Variants in EPHA4 observed in about 807,000 individuals in gnomAD.
EPHA4 encodes ephrin type-A receptor 4.
A neutral mutation model predicts 108.3 loss-of-function variants in EPHA4; 19 were observed. That is an observed-to-expected ratio of 0.18 (90% CI 0.12 to 0.26). The LOEUF (loss-of-function observed/expected upper bound fraction) is 0.26, where lower values mean the gene tolerates loss of function less well. Among genes scored for constraint, EPHA4 ranks in the 10% least tolerant of loss-of-function variants. The pLI is 1.00. For missense variants in EPHA4, 917 were observed against 1,254.0 expected, an observed-to-expected ratio of 0.73 and a Z score of 4.06; for synonymous variants, 449 against 455.5, an observed-to-expected ratio of 0.99 and a Z score of 0.18.
intron 3 of EPHA4, among the ~76,000 whole-genome samples, chr2:221,522,751 TATTATTA>T (rs1559278040): frequency 2.1e-3 from 76 of 37,060 alleles, no homozygotes; most frequent in African/African-American, 4.9e-3. Flanking sequence ...TTATTATTAT[TATTATTA>T]TTATTATTAT....
At chr2:221,446,994 A>C (rs1393298120) in intron 8 of EPHA4, among the ~76,000 whole-genome samples, 8 of 152,238 alleles carry the variant, frequency 5.3e-5, no homozygotes, top group Non-Finnish European at 1.0e-4. Flanking sequence ...TTCAGTACAC[A>C]TAAATATTCA....
chr2:221,511,701 A>C (rs1427462163), intron 3 of EPHA4, among the ~76,000 whole-genome samples: 2 of 152,258 alleles, frequency 1.3e-5, no homozygotes, highest in Admixed American at 1.3e-4. Context: ...ATCACAATAG[A>C]GCATTGTTAG....
intron 5 of EPHA4, among the ~76,000 whole-genome samples, chr2:221,468,776 C>T (rs17379786): frequency 0.045 from 6,847 of 152,282 alleles, 222 homozygotes; most frequent in South Asian, 0.078. Context: ...ATATCAGATG[C>T]TTGATGATTT....
intron 11 of EPHA4, among the ~76,000 whole-genome samples, chr2:221,439,815 G>A (rs186036222): frequency 7.2e-5 from 11 of 152,276 alleles, no homozygotes; most frequent in Non-Finnish European, 1.0e-4. Context: ...CTGTGGAGAC[G>A]ACAGGAGAGG....
rs534532446 is a variant in EPHA4 at position 221,545,817 on chromosome 2, GACCTGGAATGC to G, written c.823+17903_823+17913del. Among the ~76,000 whole-genome samples the G allele has an allele frequency of 2.4e-3, 362 of 152,182 alleles. 3 individuals carry two copies. Among genetic ancestry groups the G allele is most frequent in the East Asian group, 0.012 (63 of 5,154 alleles). On this transcript the variant is annotated intron_variant, in intron 3 of 17. Transcript: ENST00000281821. Reference sequence around the variant, plus strand: ...GCACACAATGTGTCCCTCTTCTGTTGACCTGGAATGCACTTGCTTAATCCACAAGATTCTAC... The same window carrying G: ...GCACACAATGTGTCCCTCTTCTGTTGACTTGCTTAATCCACAAGATTCTAC...
rs1170552172 is a variant in EPHA4, at chr2:221,571,210, T to TGCAGACATGCACACACAC, written c.91+930_91+947dup. ...CGCAGACATGCACACACACCACACA[T>TGCAGACATGCACACACAC]GCAGACATGCACACACACGCAGACA... On this transcript the variant is annotated intron_variant, in intron 1 of 17. Transcript: ENST00000281821. The surrounding 1 kb of genome is among the most constrained non-coding windows in gnomAD (Gnocchi z 6.3). Among the ~76,000 whole-genome samples the TGCAGACATGCACACACAC allele has an allele frequency of 0.012, 1,785 of 147,532 alleles. 19 individuals carry two copies. The highest frequency in any genetic ancestry group is 0.019 in the Non-Finnish European group (1,259 of 66,492).
At chr2:221,549,492 A>G (rs1055388339) in intron 3 of EPHA4, among the ~76,000 whole-genome samples, 1 of 152,140 alleles carries the variant, frequency 6.6e-6, no homozygotes. Context: ...GTAAAGCACC[A>G]CAGCTCAGAG....
intron 5 of EPHA4, among the ~76,000 whole-genome samples, chr2:221,475,995 G>A (rs566398910): frequency 6.6e-6 from 1 of 152,262 alleles, no homozygotes; most frequent in East Asian, 1.9e-4. Flanking sequence ...GAAGCAGATG[G>A]ATGCACTTGA....
intron 3 of EPHA4, among the ~76,000 whole-genome samples, chr2:221,555,343 C>T (rs1197119798): frequency 6.6e-6 from 1 of 152,070 alleles, no homozygotes; most frequent in Non-Finnish European, 1.5e-5. Flanking sequence ...GCCCTCATTG[C>T]CTTTGTGAAA....
At chr2:221,559,574 T>TA (rs530772413) in intron 3 of EPHA4, among the ~76,000 whole-genome samples, 2 of 151,810 alleles carry the variant, frequency 1.3e-5, no homozygotes, top group South Asian at 4.2e-4. Context: ...AAAAATAAAT[T>TA]AAAAAAAAAT....
chr2:221,473,116 C>T (rs1334597344), intron 5 of EPHA4, among the ~76,000 whole-genome samples: 4 of 152,134 alleles, frequency 2.6e-5, no homozygotes, highest in African/African-American at 9.7e-5. Context: ...CACCATCTCT[C>T]GTTTTTATCA....
chr2:221,553,360 G>A (rs1200846688), intron 3 of EPHA4, among the ~76,000 whole-genome samples: 1 of 152,238 alleles, frequency 6.6e-6, no homozygotes, highest in Non-Finnish European at 1.5e-5. Context: ...CAATAGCTGG[G>A]AAACGTGAAG....
At chr2:221,536,456 G>A (rs559926126) in intron 3 of EPHA4, among the ~76,000 whole-genome samples, 2 of 152,216 alleles carry the variant, frequency 1.3e-5, no homozygotes, top group African/African-American at 2.4e-5. Flanking sequence ...CTAGACCCTG[G>A]CATTCTTGAA....
At chr2:221,548,971 T>C (rs545306280) in intron 3 of EPHA4, among the ~76,000 whole-genome samples, 1 of 152,240 alleles carries the variant, frequency 6.6e-6, no homozygotes, top group East Asian at 1.9e-4. Context: ...CTAAATTCTC[T>C]ATAACTCCGG....
Position 221,571,263 on chromosome 2 carries a change from C to T in EPHA4, c.91+895G>A, listed in dbSNP as rs1694828726. 6.6e-6 allele frequency among the ~76,000 whole-genome samples: 1 copy of T among 150,438 alleles called. No individual in the cohort carries two copies. Among genetic ancestry groups the T allele is most frequent in the Admixed American group, 6.6e-5 (1 of 15,104 alleles). On this transcript the variant is annotated intron_variant, in intron 1 of 17. Transcript: ENST00000281821. This position sits in a 1 kb window ranked among gnomAD's most constrained non-coding sequence, Gnocchi z 6.3. ...CACACACACACCACACATACACACA[C>T]ACACACACACAGTTCGCCTCTCCCT... is the stretch of plus-strand genomic sequence containing the variant.
At chr2:221,560,968 C>T (rs1047343637) in intron 3 of EPHA4, among the ~76,000 whole-genome samples, 37 of 152,288 alleles carry the variant, frequency 2.4e-4, no homozygotes, top group Middle Eastern at 3.4e-3. Context: ...TCTGGCTGGG[C>T]GCGGTGGCTC....
intron 1 of EPHA4, among the ~76,000 whole-genome samples, chr2:221,570,324 C>CT (rs1332271702): frequency 1.3e-5 from 2 of 150,394 alleles, no homozygotes; most frequent in African/African-American, 4.9e-5. Context: ...CTCCCCCCCC[C>CT]CCAAAAAAAG....
chr2:221,522,787 G>A (rs1165248267), intron 3 of EPHA4, among the ~76,000 whole-genome samples: 7 of 150,314 alleles, frequency 4.7e-5, no homozygotes, highest in Non-Finnish European at 8.8e-5. Flanking sequence ...TTTTGAGACG[G>A]AGTCTCCCTC....
rs1275196453 is a variant in EPHA4, at chr2:221,566,836, A to AAGAAGGAGAAGG, written c.159+1870_159+1881dup. ...GAAGAAGGAGAAGAAGGAGAAGGAG[A>AAGAAGGAGAAGG]AGAAGGAGAAGGAGAAGGAGAAGAA... On this transcript the variant is annotated intron_variant, in intron 2 of 17. Coordinates refer to ENST00000281821, the MANE Select transcript of EPHA4 (RefSeq NM_004438.5). Among the ~76,000 whole-genome samples, 3 of 96,914 alleles carry AAGAAGGAGAAGG rather than the reference A, an allele frequency of 3.1e-5. No individual in the cohort carries two copies. In the Admixed American group the frequency reaches 3.5e-4, roughly 11 times the overall value. 63.6% of individuals were successfully genotyped at this position (96,914 alleles called of 152,430 possible).
Sources: allele counts gnomAD v4.1 joint callset (sites outside exome capture counted in the v4.1 genomes callset), GRCh38; gene constraint gnomAD v4.1.1; non-coding constraint Gnocchi (gnomAD v3.1); transcripts MANE v1.5; gene names NCBI Gene and HGNC (gene_info 2026-07-23, HGNC 2026-07-21).